PCDH9: variants seen among roughly 807,000 people sequenced by gnomAD.
PCDH9 encodes the protein protocadherin 9, also known as protocadherin-9.
PCDH9 carries 24 observed loss-of-function variants against 70.6 expected under a neutral mutation model. The ratio of observed to expected loss-of-function variants is 0.34; its 90% CI spans 0.25 to 0.48. The LOEUF (loss-of-function observed/expected upper bound fraction) is 0.48, where lower values mean the gene tolerates loss of function less well. Ranked by LOEUF, PCDH9 falls within the 20% of genes least tolerant of loss-of-function variation. The pLI, the probability that PCDH9 is intolerant of heterozygous loss-of-function variation, is 0.99. For synonymous variants in PCDH9, 562 were observed against 558.5 expected, an observed-to-expected ratio of 1.01 and a Z score of -0.09; for missense variants, 1,281 against 1,503.6, an observed-to-expected ratio of 0.85 and a Z score of 2.45.
chr13:66,588,913 C>T (rs1331047874), intron 4 of PCDH9, among the ~76,000 whole-genome samples: 1 of 150,990 alleles, frequency 6.6e-6, no homozygotes, highest in Non-Finnish European at 1.5e-5. Context: ...CATTTTTTTA[C>T]AAAAAAAGAA....
At chr13:66,892,705 A>T (rs1197166010) in intron 3 of PCDH9, among the ~76,000 whole-genome samples, 1 of 152,114 alleles carries the variant, frequency 6.6e-6, no homozygotes, top group Admixed American at 6.6e-5. Flanking sequence ...CTGTGTAAGA[A>T]AGTCTTTGGG....
intron 2 of PCDH9, among the ~76,000 whole-genome samples, chr13:67,182,983 C>A (rs995318488): frequency 6.6e-6 from 1 of 152,074 alleles, no homozygotes; most frequent in East Asian, 1.9e-4. Context: ...TACCTTAGTG[C>A]AATTTTCTTA....
chr13:67,017,033 C>G (rs1342960431), intron 2 of PCDH9, among the ~76,000 whole-genome samples: 1 of 152,046 alleles, frequency 6.6e-6, no homozygotes, highest in Non-Finnish European at 1.5e-5. Context: ...TCCAATAGTT[C>G]TGAACTTAGC....
At chr13:67,131,130 A>C (rs1471558755) in intron 2 of PCDH9, among the ~76,000 whole-genome samples, 1 of 152,200 alleles carries the variant, frequency 6.6e-6, no homozygotes, top group Non-Finnish European at 1.5e-5. Context: ...AAATTGGTGC[A>C]TGTTTACTTT....
At chr13:66,709,083 G>A (rs2078756995) in intron 3 of PCDH9, among the ~76,000 whole-genome samples, 2 of 152,130 alleles carry the variant, frequency 1.3e-5, no homozygotes, top group Admixed American at 1.3e-4. Flanking sequence ...TATATTGTGA[G>A]ATATGCTGGT....
At chr13:66,512,282 T>TTATATATATA (rs35496834) in intron 4 of PCDH9, among the ~76,000 whole-genome samples, 79 of 144,426 alleles carry the variant, frequency 5.5e-4, no homozygotes, top group East Asian at 2.3e-3. Context: ...ACCTTAGGAA[T>TTATATATATA]TATATATATA....
intron 2 of PCDH9, among the ~76,000 whole-genome samples, chr13:67,108,711 T>C (rs917077059): frequency 8.5e-5 from 13 of 152,290 alleles, no homozygotes; most frequent in African/African-American, 2.9e-4. Context: ...CAAATAAATC[T>C]ACAATTTTAA....
At chr13:66,338,822 G>A (rs184780843) in intron 4 of PCDH9, among the ~76,000 whole-genome samples, 11 of 151,606 alleles carry the variant, frequency 7.3e-5, no homozygotes, top group African/African-American at 1.7e-4. Flanking sequence ...ACATGAAAAC[G>A]TTCTATCCTT....
chr13:66,561,879 A>G (rs941039404), intron 4 of PCDH9, among the ~76,000 whole-genome samples: 1 of 152,058 alleles, frequency 6.6e-6, no homozygotes, highest in Non-Finnish European at 1.5e-5. Context: ...GTCCTCTTCC[A>G]CACTGTGGAA....
chr13:66,555,550 T>C (rs1377774601), intron 4 of PCDH9, among the ~76,000 whole-genome samples: 4 of 152,148 alleles, frequency 2.6e-5, no homozygotes, highest in Non-Finnish European at 5.9e-5. Flanking sequence ...CATAGTTAAA[T>C]TTGTTGTACT....
At position 67,115,963 on chromosome 13, in the gene PCDH9, T is replaced by G. The variant is rs576990663; in HGVS notation, c.3036+109442A>C. On this transcript the variant is annotated intron_variant, in intron 2 of 4. Coordinates refer to ENST00000377865, the MANE Select transcript of PCDH9 (RefSeq NM_203487.3). The stretch of plus-strand genomic sequence containing the variant: ...ATTAGGACTAAAGGCACTAGTCAGA[T>G]TGCCCAGTTTTGAATCCAGATGCTG... Among the ~76,000 whole-genome samples, 3 of 152,320 alleles carry G rather than the reference T, an allele frequency of 2.0e-5. No individual in the cohort carries two copies. In the East Asian group the frequency reaches 5.8e-4, roughly 29 times the overall value.
chr13:66,660,674 A>G (rs909937114), intron 3 of PCDH9, among the ~76,000 whole-genome samples: 7 of 152,242 alleles, frequency 4.6e-5, no homozygotes, highest in Admixed American at 1.3e-4. Context: ...TTTACAATAT[A>G]CTATTAGTAG....
intron 3 of PCDH9, among the ~76,000 whole-genome samples, chr13:66,798,651 C>G (rs529060317): frequency 6.6e-6 from 1 of 152,276 alleles, no homozygotes; most frequent in Non-Finnish European, 1.5e-5. Flanking sequence ...TTTGCTTCAT[C>G]TTCATCGCCT....
Position 67,226,248 on chromosome 13 carries a change from T to C in PCDH9, c.2193A>G (p.Val731=), listed in dbSNP as rs753455256. The C allele has an allele frequency of 6.2e-7, 1 of 1,614,192 alleles. No homozygotes were observed. The highest frequency in any genetic ancestry group is 1.7e-5 in the Admixed American group (1 of 60,034). Residue 731 remains valine (V), a synonymous_variant, in exon 2 of 5, where the codon GTA becomes GTG. Transcript: ENST00000377865. The surrounding 1 kb of genome is among the most constrained non-coding windows in gnomAD (Gnocchi z 5.0). ...NNKGLFRIDP[V]TGNITLEEKP... ...TTTCTTCCAGAGTAATGTTACCTGT[T>C]ACTGGATCAATCCGGAATAAGCCTT... is the stretch of plus-strand genomic sequence containing the variant.
chr13:66,573,774 G>T (rs1054839394), intron 4 of PCDH9, among the ~76,000 whole-genome samples: 3 of 149,484 alleles, frequency 2.0e-5, no homozygotes, highest in East Asian at 2.0e-4. Flanking sequence ...TGTTTTTTTG[G>T]TGCCAAATCA....
chr13:66,303,893 G>A lies in PCDH9; in HGVS notation c.*762C>T, dbSNP rs1955413624. ...GGCATCATAAGCTATCATATGAGAA[G>A]CAAGATTTCAGAACCTTTTTTAAAC... On this transcript the variant is annotated 3_prime_UTR_variant, in exon 5 of 5. Transcript: ENST00000377865. The A allele has an allele frequency of 6.6e-6, 1 of 152,082 alleles. No individual in the cohort carries two copies. The highest frequency in any genetic ancestry group is 2.1e-4 in the South Asian group (1 of 4,806). 9.4% of individuals were successfully genotyped at this position (152,082 alleles called of 1,614,324 possible).
intron 2 of PCDH9, among the ~76,000 whole-genome samples, chr13:67,089,744 T>C (rs988654193): frequency 4.6e-5 from 7 of 152,044 alleles, no homozygotes; most frequent in African/African-American, 1.7e-4. Context: ...GAACATGAAA[T>C]TTTTCACTTA....
intron 2 of PCDH9, among the ~76,000 whole-genome samples, chr13:67,026,279 T>C (rs907589710): frequency 3.9e-5 from 6 of 152,190 alleles, no homozygotes; most frequent in African/African-American, 1.4e-4. Context: ...GCATCAATGT[T>C]CATCAAGGAT....
intron 2 of PCDH9, among the ~76,000 whole-genome samples, chr13:67,055,229 A>C (rs1353564917): frequency 6.6e-6 from 1 of 152,238 alleles, no homozygotes; most frequent in Non-Finnish European, 1.5e-5. Flanking sequence ...TACATTTGTC[A>C]AAACATTAAA....
Sources: allele counts gnomAD v4.1 joint callset (sites outside exome capture counted in the v4.1 genomes callset), GRCh38; gene constraint gnomAD v4.1.1; non-coding constraint Gnocchi (gnomAD v3.1); transcripts MANE v1.5; gene names NCBI Gene and HGNC (gene_info 2026-07-23, HGNC 2026-07-21).